The following ATP10B variants were observed in gnomAD, a reference collection of about 807,000 sequenced individuals.
ATP10B encodes phospholipid-transporting ATPase VB.
ATP10B carries 122 observed loss-of-function variants against 141.2 expected under a neutral mutation model. The observed-to-expected ratio is 0.86, with a 90% CI of 0.75 to 1.00. The LOEUF (loss-of-function observed/expected upper bound fraction) is 1.00. Among genes scored for constraint, ATP10B ranks in the 50% least tolerant of loss-of-function variants. The pLI is 0.00. For missense variants in ATP10B, 1,876 were observed against 1,825.3 expected, an observed-to-expected ratio of 1.03 and a Z score of -0.51; for synonymous variants, 685 against 692.0, an observed-to-expected ratio of 0.99 and a Z score of 0.16.
At chr5:160,865,135 T>C in the ATP10B span, among the ~76,000 whole-genome samples, 45 of 151,814 alleles carry the variant, frequency 3.0e-4, no homozygotes, top group African/African-American at 1.1e-3. Flanking sequence ...AGGCAAAAAG[T>C]ACAAATCTGG....
At chr5:160,734,067 C>T (rs908481000) in intron 2 of ATP10B, among the ~76,000 whole-genome samples, 3 of 129,506 alleles carry the variant, frequency 2.3e-5, no homozygotes, top group African/African-American at 9.0e-5. Context: ...GATATCATGT[C>T]ACTGCACTCC....
chr5:160,641,702 G>A (rs1759880922), intron 9 of ATP10B, among the ~76,000 whole-genome samples: 1 of 152,170 alleles, frequency 6.6e-6, no homozygotes, highest in Non-Finnish European at 1.5e-5. Flanking sequence ...TGGGGCTGCT[G>A]AATGTTAACT....
At chr5:160,705,840 C>A (rs931582318) in intron 3 of ATP10B, among the ~76,000 whole-genome samples, 4 of 152,202 alleles carry the variant, frequency 2.6e-5, no homozygotes, top group Non-Finnish European at 4.4e-5. Flanking sequence ...TAGATTTCAG[C>A]CTGTCTTGGC....
At chr5:160,723,630 TC>T (rs1766125059) in intron 2 of ATP10B, among the ~76,000 whole-genome samples, 1 of 152,174 alleles carries the variant, frequency 6.6e-6, no homozygotes, top group Non-Finnish European at 1.5e-5. Flanking sequence ...TTTCTCTCTC[TC>T]CCCTTCATTC....
At position 160,612,912 on chromosome 5, in the gene ATP10B, G is replaced by A. The variant is rs1434770693; in HGVS notation, c.2667C>T (p.Ile889=). 20 of 1,612,900 alleles carry A rather than the reference G, an allele frequency of 1.2e-5. No individual in the cohort carries two copies. Among genetic ancestry groups the A allele is most frequent in the Admixed American group, 5.0e-5 (3 of 59,902 alleles). ...GAACTCCTTCCTGCAGCCGGTCTTC[G>A]ATCCCAGTGGCTCCTGGAGTGATGA... ...NQLTLLGATG[I]EDRLQEGVPD... The change falls in exon 18 of 26, where the codon ATC becomes ATT. Residue 889 remains isoleucine (I), a synonymous_variant. Transcript: ENST00000327245.
chr5:160,779,778 C>T (rs1770594933), intron 2 of ATP10B, among the ~76,000 whole-genome samples: 1 of 152,164 alleles, frequency 6.6e-6, no homozygotes, highest in African/African-American at 2.4e-5. Flanking sequence ...ATTTGATATT[C>T]ATCAATAGAC....
chr5:160,597,409 G>A (rs933909028), intron 22 of ATP10B, among the ~76,000 whole-genome samples: 10 of 152,126 alleles, frequency 6.6e-5, no homozygotes, highest in Admixed American at 5.2e-4. Context: ...ATGGATTAAA[G>A]ACTTAAACGT....
chr5:160,824,292 A>G (rs1027258312), intron 1 of ATP10B, among the ~76,000 whole-genome samples: 8 of 152,162 alleles, frequency 5.3e-5, no homozygotes, highest in Admixed American at 1.3e-4. Flanking sequence ...CTGGGATTAC[A>G]GGCTTGAGCC....
rs1753792152 is a variant in ATP10B at position 160,851,261 on chromosome 5, TTAACA to T, written c.-576+675_-576+679del. On this transcript the variant is annotated intron_variant, in intron 1 of 25. Coordinates refer to ENST00000327245, the MANE Select transcript of ATP10B (RefSeq NM_025153.3). ...TAGCAGCTCAGTATAATTTTTATTT[TTAACA>T]TTACTTTTCACCTTAGGGTTAGGGA... 2.0e-5 allele frequency among the ~76,000 whole-genome samples: 3 copies of T among 152,184 alleles called. No homozygotes were observed. In the South Asian group the frequency reaches 6.2e-4, roughly 32 times the overall value.
chr5:160,859,200 T>C, the ATP10B span, among the ~76,000 whole-genome samples: 1 of 151,944 alleles, frequency 6.6e-6, no homozygotes, highest in East Asian at 1.9e-4. Flanking sequence ...TTGATCCCTT[T>C]TGTTTTTAAA....
chr5:160,797,204 C>A (rs1446250167), intron 1 of ATP10B, among the ~76,000 whole-genome samples: 1 of 152,156 alleles, frequency 6.6e-6, no homozygotes, highest in African/African-American at 2.4e-5. Context: ...AACAGCTGGG[C>A]TCAGATACCC....
At chr5:160,625,020 T>C (rs1758540893) in intron 13 of ATP10B, among the ~76,000 whole-genome samples, 1 of 152,220 alleles carries the variant, frequency 6.6e-6, no homozygotes, top group African/African-American at 2.4e-5. Flanking sequence ...TGGTGTTTCT[T>C]ATGTTCTAGT....
At position 160,603,432 on chromosome 5, in the gene ATP10B, G is replaced by A. The variant is rs1042959367; in HGVS notation, c.3237+533C>T. Reference sequence around the variant, plus strand: ...GGCTTTGAATGTGGCCCAAAATTATGAGACTTTTTTTGCAATTTTTTTAAA... The same window carrying A: ...GGCTTTGAATGTGGCCCAAAATTATAAGACTTTTTTTGCAATTTTTTTAAA... On this transcript the variant is annotated intron_variant, in intron 20 of 25. Transcript: ENST00000327245. 3 of 155,554 alleles carry A rather than the reference G, an allele frequency of 1.9e-5. 1 individual carries two copies. Among genetic ancestry groups the A allele is most frequent in the South Asian group, 4.0e-4 (2 of 5,046 alleles). The allele number at this position is 155,554 out of a possible 1,614,324, so 9.6% of individuals were successfully genotyped here. A position where few individuals can be genotyped will look rare whatever the true frequency, so the allele number is the denominator to read the frequency against.
chr5:160,810,343 T>C (rs1038622956), intron 1 of ATP10B, among the ~76,000 whole-genome samples: 8 of 152,148 alleles, frequency 5.3e-5, no homozygotes, highest in African/African-American at 1.7e-4. Context: ...TTATCCTTTT[T>C]TGACCTATTT....
At chr5:160,734,325 T>C (rs1337847888) in intron 2 of ATP10B, among the ~76,000 whole-genome samples, 2 of 152,042 alleles carry the variant, frequency 1.3e-5, no homozygotes, top group Non-Finnish European at 2.9e-5. Context: ...TATATAAATG[T>C]AAAAGAGACT....
At chr5:160,871,717 G>A in the ATP10B span, among the ~76,000 whole-genome samples, 3 of 152,118 alleles carry the variant, frequency 2.0e-5, no homozygotes, top group South Asian at 6.2e-4. Flanking sequence ...TTTTATGACT[G>A]TGTAGTATTC....
chr5:160,768,300 G>C (rs776000931), intron 2 of ATP10B, among the ~76,000 whole-genome samples: 3 of 152,132 alleles, frequency 2.0e-5, no homozygotes, highest in Non-Finnish European at 4.4e-5. Context: ...TTTTAAAAAA[G>C]AAACTATGAT....
chr5:160,818,282 T>C (rs921470297), intron 1 of ATP10B, among the ~76,000 whole-genome samples: 1 of 152,124 alleles, frequency 6.6e-6, no homozygotes, highest in East Asian at 1.9e-4. Flanking sequence ...GAATCTACAA[T>C]GAACTCAAAC....
In ATP10B at chr5:160,636,276, T is replaced by G; in HGVS notation, c.1034A>C (p.His345Pro). Reference protein sequence around the residue: ...HSIWNGTFEEHPPFDVPDANG... With the variant: ...HSIWNGTFEEPPPFDVPDANG... ...GGCATCTGGCACATCGAAGGGAGGG[T>G]GTTCTTCAAAGGTCCCATTCCAGAT... The change falls in exon 11 of 26, where the codon CAC (histidine) becomes CCC (proline). Residue 345 changes from histidine (H) to proline (P), a missense_variant. Coordinates refer to ENST00000327245, the MANE Select transcript of ATP10B (RefSeq NM_025153.3). The G allele has an allele frequency of 6.2e-7, 1 of 1,613,010 alleles. No homozygotes were observed. The highest frequency in any genetic ancestry group is 1.3e-5 in the African/African-American group (1 of 74,936).
Sources: gnomAD v4.1 joint callset for allele counts (sites outside exome capture counted in the v4.1 genomes callset) on GRCh38, gnomAD v4.1.1 for gene constraint, MANE v1.5 for transcripts, NCBI Gene and HGNC (gene_info 2026-07-23, HGNC 2026-07-21) for gene names.